The following KIRREL3 variants were observed in gnomAD, a reference collection of about 807,000 sequenced individuals.
KIRREL3 encodes kirre like nephrin family adhesion molecule 3.
Under a neutral mutation model 89.7 loss-of-function variants are expected in KIRREL3, and 36 were observed. The ratio of observed to expected loss-of-function variants is 0.40; its 90% CI spans 0.31 to 0.53. The LOEUF is 0.53. KIRREL3 is among the 20% of genes least tolerant of loss of function. The probability of loss-of-function intolerance (pLI) is 0.49; values close to 1 mark genes in which losing one functional copy is unlikely to be tolerated. For missense variants in KIRREL3, 864 were observed against 1,056.6 expected (o/e 0.82, Z 2.53); for synonymous variants, 445 against 441.4 (o/e 1.01, Z -0.10).
intron 1 of KIRREL3, among the ~76,000 whole-genome samples, chr11:126,962,842 C>T (rs184651544): frequency 1.1e-4 from 16 of 152,228 alleles, no homozygotes; most frequent in East Asian, 5.8e-4. Context: ...AGTCAGCAGT[C>T]GTCAACACTA....
chr11:126,450,635 G>T (rs1420610110), intron 7 of KIRREL3, among the ~76,000 whole-genome samples: 2 of 149,156 alleles, frequency 1.3e-5, no homozygotes, highest in African/African-American at 5.1e-5. Context: ...GTGCATGTGG[G>T]AGCATGTGCA....
At chr11:126,865,919 C>T (rs1246263590) in intron 1 of KIRREL3, among the ~76,000 whole-genome samples, 1 of 152,122 alleles carries the variant, frequency 6.6e-6, no homozygotes, top group African/African-American at 2.4e-5. Flanking sequence ...CTTCTCACCT[C>T]CACCGAGTTT....
rs1234583686 is a variant in KIRREL3 at position 126,999,810 on chromosome 11, G to A, written c.55+645C>T. Among the ~76,000 whole-genome samples the A allele has an allele frequency of 6.6e-6, 1 of 152,118 alleles. No individual in the cohort carries two copies. The highest frequency in any genetic ancestry group is 2.4e-5 in the African/African-American group (1 of 41,408). ...GCAGAAAGGAAACCATCAGCACCAC[G>A]GGCGAAATTTCATTTTATACCCTGA... On this transcript the variant is annotated intron_variant, in intron 1 of 16. Coordinates refer to ENST00000525144, the MANE Select transcript of KIRREL3 (RefSeq NM_032531.4). The surrounding 1 kb of genome is among the most constrained non-coding windows in gnomAD (Gnocchi z 5.7).
intron 1 of KIRREL3, among the ~76,000 whole-genome samples, chr11:126,816,668 C>T (rs1303343945): frequency 6.6e-6 from 1 of 152,220 alleles, no homozygotes; most frequent in African/African-American, 2.4e-5. Context: ...ACTATTTAAT[C>T]TCCTCCTTTT....
chr11:126,854,208 A>C (rs1489263433), intron 1 of KIRREL3, among the ~76,000 whole-genome samples: 1 of 147,010 alleles, frequency 6.8e-6, no homozygotes, highest in Non-Finnish European at 1.5e-5. Flanking sequence ...AATAGTTGAT[A>C]CTTCTTTTTA....
At position 126,664,509 on chromosome 11, in the gene KIRREL3, G is replaced by A. The variant is rs1945565974; in HGVS notation, c.56-101597C>T. ...TGGGCTAGAGCAATCTCAGGTGCAG[G>A]GAAGGCATAGATCTTCTGTTGGAAC... is the stretch of plus-strand genomic sequence containing the variant. On this transcript the variant is annotated intron_variant, in intron 1 of 16. Transcript: ENST00000525144. This position sits in a 1 kb window ranked among gnomAD's most constrained non-coding sequence, Gnocchi z 5.4. Among the ~76,000 whole-genome samples, 1 of 152,124 alleles carries A rather than the reference G, an allele frequency of 6.6e-6. No individual in the cohort carries two copies. Among genetic ancestry groups the A allele is most frequent in the Non-Finnish European group, 1.5e-5 (1 of 68,030 alleles).
rs1401460084 is a variant in KIRREL3 at position 126,969,730 on chromosome 11, A to T, written c.55+30725T>A. 6.6e-6 allele frequency among the ~76,000 whole-genome samples: 1 copy of T among 152,166 alleles called. No homozygotes were observed. The highest frequency in any genetic ancestry group is 2.4e-5 in the African/African-American group (1 of 41,430). Reference sequence around the variant, plus strand: ...CACAGGCTTATTTGAATAATTTTGCAGTGGGACCTGGCTCACTTTTGTAGA... The same window carrying T: ...CACAGGCTTATTTGAATAATTTTGCTGTGGGACCTGGCTCACTTTTGTAGA... On this transcript the variant is annotated intron_variant, in intron 1 of 16. Transcript: ENST00000525144. This position sits in a 1 kb window ranked among gnomAD's most constrained non-coding sequence, Gnocchi z 4.9.
In KIRREL3 at chr11:126,587,214, G is replaced by A. The variant is rs567600298; in HGVS notation, c.56-24302C>T. Among the ~76,000 whole-genome samples the A allele has an allele frequency of 2.6e-5, 4 of 152,250 alleles. No individual in the cohort carries two copies. The highest frequency in any genetic ancestry group is 4.2e-4 in the South Asian group (2 of 4,818). Reference sequence around the variant, plus strand: ...GGACATGACATCCAAGCTGAAACCCGAAGGACAAATAGGGGACAGGGAGAT... The same window carrying A: ...GGACATGACATCCAAGCTGAAACCCAAAGGACAAATAGGGGACAGGGAGAT... On this transcript the variant is annotated intron_variant, in intron 1 of 16. Coordinates refer to ENST00000525144, the MANE Select transcript of KIRREL3 (RefSeq NM_032531.4). This position sits in a 1 kb window ranked among gnomAD's most constrained non-coding sequence, Gnocchi z 5.2.
rs1410114746 is a variant in KIRREL3, at chr11:126,651,370, C to G, written c.56-88458G>C. Among the ~76,000 whole-genome samples the G allele has an allele frequency of 6.6e-6, 1 of 152,228 alleles. No homozygotes were observed. The highest frequency in any genetic ancestry group is 1.5e-5 in the Non-Finnish European group (1 of 68,042). ...TCCAGTGATAAACTCCACTCCATGTCTCAAACAGGGACTATTTTTGAGAAC... is the reference window on the plus strand; with the variant it reads ...TCCAGTGATAAACTCCACTCCATGTGTCAAACAGGGACTATTTTTGAGAAC... On this transcript the variant is annotated intron_variant, in intron 1 of 16. Coordinates refer to ENST00000525144, the MANE Select transcript of KIRREL3 (RefSeq NM_032531.4). This position sits in a 1 kb window ranked among gnomAD's most constrained non-coding sequence, Gnocchi z 4.6.
Position 126,645,397 on chromosome 11 carries a change from C to T in KIRREL3, c.56-82485G>A, listed in dbSNP as rs1053520229. 7.2e-5 allele frequency among the ~76,000 whole-genome samples: 11 copies of T among 152,144 alleles called. No homozygotes were observed. Among genetic ancestry groups the T allele is most frequent in the Non-Finnish European group, 1.5e-4 (10 of 68,032 alleles). On this transcript the variant is annotated intron_variant, in intron 1 of 16. Transcript: ENST00000525144. This position sits in a 1 kb window ranked among gnomAD's most constrained non-coding sequence, Gnocchi z 4.9. Reference sequence around the variant, plus strand: ...GGTATGCCAGCCTTTCTCCTTCCACCGTGAGCCATTTGAGGGCAGAGACCA... The same window carrying T: ...GGTATGCCAGCCTTTCTCCTTCCACTGTGAGCCATTTGAGGGCAGAGACCA...
rs1046276396 is a variant in KIRREL3, at chr11:126,513,729, G to A, written c.433+7586C>T. Among the ~76,000 whole-genome samples, 4 of 152,038 alleles carry A rather than the reference G, an allele frequency of 2.6e-5. No homozygotes were observed. The highest frequency in any genetic ancestry group is 5.9e-5 in the Non-Finnish European group (4 of 68,008). On this transcript the variant is annotated intron_variant, in intron 4 of 16. Coordinates refer to ENST00000525144, the MANE Select transcript of KIRREL3 (RefSeq NM_032531.4). This position sits in a 1 kb window ranked among gnomAD's most constrained non-coding sequence, Gnocchi z 5.9. The stretch of plus-strand genomic sequence containing the variant: ...TGGGGGCAGGGAGATTGTGGGGGGC[G>A]ACCTTGGAGTGCAGCAGGAGGGCAG...
At chr11:126,939,723 A>G (rs1042510481) in intron 1 of KIRREL3, among the ~76,000 whole-genome samples, 2 of 152,200 alleles carry the variant, frequency 1.3e-5, no homozygotes, top group Admixed American at 1.3e-4. Context: ...TGGTCCTCCC[A>G]AATGCTGCTA....
intron 1 of KIRREL3, among the ~76,000 whole-genome samples, chr11:126,813,249 G>A (rs1951447870): frequency 6.6e-6 from 1 of 152,180 alleles, no homozygotes; most frequent in East Asian, 1.9e-4. Context: ...TTGCAGTCTT[G>A]TTTTCCTTTG....
intron 5 of KIRREL3, among the ~76,000 whole-genome samples, chr11:126,466,587 G>A (rs1021256668): frequency 2.6e-5 from 4 of 152,198 alleles, no homozygotes; most frequent in Admixed American, 6.5e-5. Flanking sequence ...TTCTGATCTC[G>A]CCTCTCTTGT....
At chr11:126,986,373 C>T (rs542254835) in intron 1 of KIRREL3, among the ~76,000 whole-genome samples, 2 of 152,164 alleles carry the variant, frequency 1.3e-5, no homozygotes, top group East Asian at 3.9e-4. Flanking sequence ...TTTAAAAATA[C>T]AGAGCAAGAA....
At position 126,755,465 on chromosome 11, in the gene KIRREL3, G is replaced by A. The variant is rs1413938146; in HGVS notation, c.56-192553C>T. On this transcript the variant is annotated intron_variant, in intron 1 of 16. Coordinates refer to ENST00000525144, the MANE Select transcript of KIRREL3 (RefSeq NM_032531.4). The surrounding 1 kb of genome is among the most constrained non-coding windows in gnomAD (Gnocchi z 4.3). ...TGGAAAATCAATACTACTCTGATGC[G>A]AAATGAGAACCGGACTGGATAAAGC... is the stretch of plus-strand genomic sequence containing the variant. Among the ~76,000 whole-genome samples, 2 of 152,040 alleles carry A rather than the reference G, an allele frequency of 1.3e-5. No individual in the cohort carries two copies. Among genetic ancestry groups the A allele is most frequent in the East Asian group, 1.9e-4 (1 of 5,182 alleles).
rs1197646449 is a variant in KIRREL3 at position 126,515,797 on chromosome 11, G to A, written c.433+5518C>T. On this transcript the variant is annotated intron_variant, in intron 4 of 16. Transcript: ENST00000525144. This position sits in a 1 kb window ranked among gnomAD's most constrained non-coding sequence, Gnocchi z 4.2. The stretch of plus-strand genomic sequence containing the variant: ...TCTGTGGGGACACTTTCTCGCCCCT[G>A]AAGAACCCCTCAGACTGTCACCTAC... 6.6e-6 allele frequency among the ~76,000 whole-genome samples: 1 copy of A among 152,196 alleles called. No homozygotes were observed. Among genetic ancestry groups the A allele is most frequent in the Non-Finnish European group, 1.5e-5 (1 of 68,040 alleles).
intron 1 of KIRREL3, among the ~76,000 whole-genome samples, chr11:126,592,428 C>A (rs1297374800): frequency 6.6e-6 from 1 of 152,204 alleles, no homozygotes; most frequent in African/African-American, 2.4e-5. Flanking sequence ...TCTAAAGTTA[C>A]ATAGCTAAGA....
Position 126,594,959 on chromosome 11 carries a change from C to T in KIRREL3, c.56-32047G>A, listed in dbSNP as rs568415702. Among the ~76,000 whole-genome samples the T allele has an allele frequency of 2.0e-5, 3 of 152,304 alleles. No individual in the cohort carries two copies. Among genetic ancestry groups the T allele is most frequent in the Non-Finnish European group, 4.4e-5 (3 of 68,016 alleles). On this transcript the variant is annotated intron_variant, in intron 1 of 16. Coordinates refer to ENST00000525144, the MANE Select transcript of KIRREL3 (RefSeq NM_032531.4). This position sits in a 1 kb window ranked among gnomAD's most constrained non-coding sequence, Gnocchi z 5.0. ...AAAGTCACTTTGCAGCTGCCCTGGGCCCTCGGACCCTCAGGGGCCTTCTGG... is the reference window on the plus strand; with the variant it reads ...AAAGTCACTTTGCAGCTGCCCTGGGTCCTCGGACCCTCAGGGGCCTTCTGG...
Sources: allele counts gnomAD v4.1 joint callset (sites outside exome capture counted in the v4.1 genomes callset), GRCh38; gene constraint gnomAD v4.1.1; non-coding constraint Gnocchi (gnomAD v3.1); transcripts MANE v1.5; gene names NCBI Gene and HGNC (gene_info 2026-07-23, HGNC 2026-07-21).